Variants in LIN52 observed in about 807,000 individuals in gnomAD.
LIN52 encodes the protein protein lin-52 homolog.
LIN52 carries 4 observed loss-of-function variants against 18.5 expected under a neutral mutation model. That is an observed-to-expected ratio of 0.22 (90% confidence interval 0.11 to 0.49). The LOEUF (loss-of-function observed/expected upper bound fraction) is 0.49, where lower values mean the gene tolerates loss of function less well. Ranked by LOEUF, LIN52 falls within the 20% of genes least tolerant of loss-of-function variation. The probability of loss-of-function intolerance (pLI) is 0.97; values close to 1 mark genes in which losing one functional copy is unlikely to be tolerated. For missense variants in LIN52, 102 were observed against 139.5 expected (o/e 0.73, Z 1.35); for synonymous variants, 34 against 45.5 (o/e 0.75, Z 1.02).
intron 5 of LIN52, among the ~76,000 whole-genome samples, chr14:74,111,297 T>G (rs2060925437): frequency 6.6e-6 from 1 of 152,102 alleles, no homozygotes. Context: ...TTCTTACACC[T>G]TTTTGTTTTT....
At chr14:74,105,212 A>G (rs1206077832) in intron 5 of LIN52, among the ~76,000 whole-genome samples, 1 of 152,148 alleles carries the variant, frequency 6.6e-6, no homozygotes, top group Non-Finnish European at 1.5e-5. Context: ...TAAAGCCATT[A>G]TTACTGCTAA....
chr14:74,121,017 G>C (rs2139922667), intron 5 of LIN52, among the ~76,000 whole-genome samples: 1 of 152,262 alleles, frequency 6.6e-6, no homozygotes, highest in South Asian at 2.1e-4. Context: ...TTTGAGTCCA[G>C]CCTAGGTAAC....
Position 74,130,278 on chromosome 14 carries a change from G to GTGTTTTTTTTTTTTTTTT in LIN52, c.283+29041_283+29042insGTTTTTTTTTTTTTTTTT, listed in dbSNP as rs1566856480. Among the ~76,000 whole-genome samples, 183 of 64,790 alleles carry GTGTTTTTTTTTTTTTTTT rather than the reference G, an allele frequency of 2.8e-3. 4 individuals are homozygous for GTGTTTTTTTTTTTTTTTT. The highest frequency in any genetic ancestry group is 4.7e-3 in the South Asian group (7 of 1,478). 42.5% of individuals were successfully genotyped at this position (64,790 alleles called of 152,430 possible). On this transcript the variant is annotated intron_variant, in intron 5 of 5. Coordinates refer to ENST00000555028, the MANE Select transcript of LIN52 (RefSeq NM_001024674.3). ...GAATTTATTAGATAGGCATTTTTTG[G>GTGTTTTTTTTTTTTTTTT]TTTTTTTTTTTTTTTTTTGAGACAG...
chr14:74,175,646 A>G (rs1229175091), intron 5 of LIN52, among the ~76,000 whole-genome samples: 1 of 151,676 alleles, frequency 6.6e-6, no homozygotes, highest in Non-Finnish European at 1.5e-5. Context: ...GCAGTAAGCT[A>G]TAATCACACC....
chr14:74,187,808 G>A (rs1427471636), intron 5 of LIN52, among the ~76,000 whole-genome samples: 1 of 152,012 alleles, frequency 6.6e-6, no homozygotes, highest in South Asian at 2.1e-4. Flanking sequence ...TTTTTTTCTT[G>A]TGCCAGCACT....
At chr14:74,106,181 C>G (rs1449109720) in intron 5 of LIN52, among the ~76,000 whole-genome samples, 1 of 152,200 alleles carries the variant, frequency 6.6e-6, no homozygotes, top group East Asian at 1.9e-4. Flanking sequence ...AGTCCTCCCT[C>G]TTTTACTGGA....
intron 5 of LIN52, among the ~76,000 whole-genome samples, chr14:74,150,262 C>T (rs1007885918): frequency 6.6e-6 from 1 of 152,086 alleles, no homozygotes; most frequent in African/African-American, 2.4e-5. Context: ...TAGAAACAAC[C>T]TCAAATCAAT....
chr14:74,147,320 T>C (rs983723135), intron 5 of LIN52, among the ~76,000 whole-genome samples: 1 of 152,120 alleles, frequency 6.6e-6, no homozygotes, highest in African/African-American at 2.4e-5. Flanking sequence ...CTACCTCATA[T>C]CATATAAAAA....
intron 5 of LIN52, among the ~76,000 whole-genome samples, chr14:74,103,427 A>ATT (rs11347849): frequency 4.9e-4 from 43 of 88,556 alleles, no homozygotes; most frequent in African/African-American, 9.9e-4. Flanking sequence ...AAAATGTAAG[A>ATT]TTTTTTTTTT....
intron 5 of LIN52, among the ~76,000 whole-genome samples, chr14:74,169,623 T>C (rs537376839): frequency 6.6e-6 from 1 of 152,324 alleles, no homozygotes; most frequent in Non-Finnish European, 1.5e-5. Context: ...ATGATGTTAG[T>C]TGCAATACAG....
chr14:74,092,002 C>G lies in LIN52; in HGVS notation c.94+696C>G, dbSNP rs557778038. Among the ~76,000 whole-genome samples the G allele has an allele frequency of 2.6e-5, 4 of 152,164 alleles. No homozygotes were observed. In the East Asian group the frequency reaches 7.7e-4, roughly 29 times the overall value. ...ATAATTATTTTGTTTGAACCAGAGT[C>G]TCTCTCTGTCGCCCAGGGTGGAGTG... is the stretch of plus-strand genomic sequence containing the variant. On this transcript the variant is annotated intron_variant, in intron 2 of 5. Coordinates refer to ENST00000555028, the MANE Select transcript of LIN52 (RefSeq NM_001024674.3).
At chr14:74,161,397 G>A (rs1200792062) in intron 5 of LIN52, among the ~76,000 whole-genome samples, 2 of 152,180 alleles carry the variant, frequency 1.3e-5, no homozygotes, top group Non-Finnish European at 2.9e-5. Context: ...CATTGGCCAG[G>A]CTGGTCTCAA....
intron 5 of LIN52, among the ~76,000 whole-genome samples, chr14:74,177,160 G>A (rs1398566922): frequency 1.3e-5 from 2 of 152,016 alleles, no homozygotes; most frequent in African/African-American, 4.8e-5. Context: ...CACCACACCC[G>A]GCTAATTTTG....
intron 5 of LIN52, among the ~76,000 whole-genome samples, chr14:74,111,455 ATTT>A (rs5809646): frequency 3.0e-4 from 42 of 142,192 alleles, no homozygotes; most frequent in Admixed American, 4.2e-4. Context: ...TGCCTGACTG[ATTT>A]TTTTTTTTTT....
chr14:74,114,159 T>A (rs1265945121), intron 5 of LIN52: 1 of 971,706 alleles, frequency 1.0e-6, no homozygotes. Context: ...AATGCTTTTT[T>A]AATATAACTG....
chr14:74,094,760 C>T (rs907785682), intron 2 of LIN52, among the ~76,000 whole-genome samples: 2 of 151,240 alleles, frequency 1.3e-5, no homozygotes, highest in Non-Finnish European at 2.9e-5. Context: ...TGGAGTCTCG[C>T]TCTGTTGCCC....
intron 5 of LIN52, among the ~76,000 whole-genome samples, chr14:74,147,630 A>G (rs1444120822): frequency 6.6e-6 from 1 of 152,226 alleles, no homozygotes; most frequent in Non-Finnish European, 1.5e-5. Flanking sequence ...AACAAAATGT[A>G]GTAGATACAT....
At chr14:74,157,035 C>CTTTTTTTTTTTTTTTT (rs71115964) in intron 5 of LIN52, among the ~76,000 whole-genome samples, 2 of 138,318 alleles carry the variant, frequency 1.4e-5, no homozygotes, top group Non-Finnish European at 3.1e-5. Context: ...TTTTCTTTTT[C>CTTTTTTTTTTTTTTTT]TTTTTTTTTT....
intron 1 of LIN52, among the ~76,000 whole-genome samples, chr14:74,086,544 C>T (rs993479653): frequency 6.6e-6 from 1 of 151,900 alleles, no homozygotes; most frequent in Non-Finnish European, 1.5e-5. Context: ...GTCCCAGCTA[C>T]TTGGGGGGGC....
Sources: gnomAD v4.1 joint callset for allele counts (sites outside exome capture counted in the v4.1 genomes callset) on GRCh38, gnomAD v4.1.1 for gene constraint, MANE v1.5 for transcripts, NCBI Gene and HGNC (gene_info 2026-07-23, HGNC 2026-07-21) for gene names.